The following MUC22 variants were observed in gnomAD, a reference collection of about 807,000 sequenced individuals.
MUC22 encodes mucin-22.
In MUC22, 24 loss-of-function variants were observed where a neutral mutation model predicts 40.3. The observed-to-expected ratio is 0.60, with a 90% CI of 0.43 to 0.84. The LOEUF (loss-of-function observed/expected upper bound fraction) is 0.84. Among genes scored for constraint, MUC22 ranks in the 40% least tolerant of loss-of-function variants. The pLI is 0.00. For missense variants in MUC22, 1,926 were observed against 2,130.7 expected, an observed-to-expected ratio of 0.90 and a Z score of 1.89; for synonymous variants, 765 against 844.5, an observed-to-expected ratio of 0.91 and a Z score of 1.63.
intron 1 of MUC22, among the ~76,000 whole-genome samples, chr6:31,012,918 T>A (rs1763951412): frequency 6.6e-6 from 1 of 151,960 alleles, no homozygotes; most frequent in African/African-American, 2.4e-5. Context: ...ACAAGTATCA[T>A]CCAAGGAGAC....
intron 1 of MUC22, among the ~76,000 whole-genome samples, chr6:31,012,344 C>T (rs1484729920): frequency 1.3e-5 from 2 of 152,208 alleles, no homozygotes; most frequent in Non-Finnish European, 2.9e-5. Context: ...TTCTCTTTCC[C>T]CTTGCCTTCA....
chr6:31,031,934 G>T (rs369248718), intron 2 of MUC22, among the ~76,000 whole-genome samples: 1 of 152,086 alleles, frequency 6.6e-6, no homozygotes, highest in African/African-American at 2.4e-5. Flanking sequence ...TCGCGATAAC[G>T]TTTCCTCAAA....
chr6:31,035,001 G>GT (rs2150819109), exon 4 of MUC22: 1 of 1,479,582 alleles, frequency 6.8e-7, no homozygotes, highest in Admixed American at 2.2e-5. Context: ...CAAGATGGCT[G>GT]TGGCCATAGA....
At chr6:31,021,373 T>A (rs929166956) in intron 1 of MUC22, among the ~76,000 whole-genome samples, 1 of 151,798 alleles carries the variant, frequency 6.6e-6, no homozygotes, top group Non-Finnish European at 1.5e-5. Context: ...ATCGGCACTC[T>A]GTATCTAGCT....
At chr6:31,022,132 A>G (rs1048163271) in intron 1 of MUC22, among the ~76,000 whole-genome samples, 1 of 152,126 alleles carries the variant, frequency 6.6e-6, no homozygotes, top group South Asian at 2.1e-4. Flanking sequence ...ACACATCTGA[A>G]CATCAGAAGG....
exon 2 of MUC22, chr6:31,028,529 A>G: frequency 6.5e-7 from 1 of 1,533,128 alleles, no homozygotes; most frequent in South Asian, 1.2e-5. Context: ...ATGGGCTCTG[A>G]GACCACTATG....
intron 2 of MUC22, among the ~76,000 whole-genome samples, chr6:31,030,417 T>A (rs28360988): frequency 0.06 from 9,082 of 151,068 alleles, 328 homozygotes; most frequent in Non-Finnish European, 0.079. Flanking sequence ...CTCGGAAGGC[T>A]GAGGCAGGAG....
chr6:31,013,283 C>T (rs544224505), intron 1 of MUC22, among the ~76,000 whole-genome samples: 12 of 152,034 alleles, frequency 7.9e-5, no homozygotes, highest in African/African-American at 1.2e-4. Flanking sequence ...CACACCGCCA[C>T]GCCCAGCTAA....
At chr6:31,024,318 T>G (rs1176362201) in intron 1 of MUC22, among the ~76,000 whole-genome samples, 2 of 152,206 alleles carry the variant, frequency 1.3e-5, no homozygotes, top group Non-Finnish European at 1.5e-5. Context: ...CAGCAATATA[T>G]TCATGTGAAT....
chr6:31,013,429 T>C (rs1176737855), intron 1 of MUC22, among the ~76,000 whole-genome samples: 1 of 152,022 alleles, frequency 6.6e-6, no homozygotes, highest in Non-Finnish European at 1.5e-5. Flanking sequence ...GCCTGGCCCC[T>C]CACCCCCATT....
At chr6:31,027,697 A>G in exon 2 of MUC22, 2 of 1,532,848 alleles carry the variant, frequency 1.3e-6, no homozygotes, top group Non-Finnish European at 1.7e-6. Context: ...CTCTGACACC[A>G]CCACAGCCTC....
In MUC22 at chr6:31,026,270, TC is replaced by T; in HGVS notation, c.841del (p.Leu281Ter). 7.8e-7 allele frequency: 1 copy of T among 1,277,292 alleles called. No homozygotes were observed. The allele number at this position is 1,277,292 out of a possible 1,614,324, so 79.1% of individuals were successfully genotyped here. ...ACCACAGGCTCTGAGACCACTACAA[TC>T]CTGATTAAAGCCTCTGAGACCACCA... On this transcript the variant is annotated frameshift_variant, in exon 2 of 4. Transcript: ENST00000561890. LOFTEE classifies it high-confidence loss of function.
upstream of MUC22, among the ~76,000 whole-genome samples, chr6:31,006,744 G>T (rs1438081027): frequency 6.6e-6 from 1 of 152,186 alleles, no homozygotes; most frequent in African/African-American, 2.4e-5. Context: ...TATGGAGAGA[G>T]ACCAGTAGAA....
chr6:31,028,901 C>A, exon 2 of MUC22: 1 of 1,529,292 alleles, frequency 6.5e-7, no homozygotes, highest in African/African-American at 1.4e-5. Flanking sequence ...GAGACCACCA[C>A]AGCCTCTACT....
chr6:31,027,668 CCA>C lies in MUC22; in HGVS notation c.2240_2241del (p.Thr747SerfsTer7). On this transcript the variant is annotated frameshift_variant, in exon 2 of 4. Coordinates refer to ENST00000561890, the Ensembl canonical transcript of MUC22. LOFTEE classifies it high-confidence loss of function. ...GCCTCTAATACAGGCTTGGAGACCA[CCA>C]CAGTCTTTACCATAGGCTCTGACAC... 6.5e-7 allele frequency: 1 copy of C among 1,531,426 alleles called. No homozygotes were observed. Among genetic ancestry groups the C allele is most frequent in the African/African-American group, 1.4e-5 (1 of 72,840 alleles). The allele number at this position is 1,531,426 out of a possible 1,614,324, so 94.9% of individuals were successfully genotyped here.
At chr6:31,026,995 G>T (rs1562606085) in exon 2 of MUC22, 1 of 1,493,664 alleles carries the variant, frequency 6.7e-7, no homozygotes, top group Non-Finnish European at 8.9e-7. Context: ...ATTTACTGAA[G>T]ATTCTAAGAC....
chr6:31,030,022 A>G, exon 2 of MUC22: 1 of 1,535,710 alleles, frequency 6.5e-7, no homozygotes, highest in South Asian at 1.2e-5. Context: ...AGCCTCCACC[A>G]CTGTCTCTTC....
intron 2 of MUC22, among the ~76,000 whole-genome samples, chr6:31,030,460 T>A (rs1250259018): frequency 6.8e-6 from 1 of 146,396 alleles, no homozygotes; most frequent in East Asian, 2.0e-4. Flanking sequence ...GAGCTTGCAG[T>A]GAGCAGAGAT....
In MUC22 at chr6:31,020,009, A is replaced by T. The variant is rs7758976; in HGVS notation, c.71-5493A>T. Among the ~76,000 whole-genome samples the T allele has an allele frequency of 2.6e-5, 4 of 151,666 alleles. No homozygotes were observed. The East Asian group carries it at 7.8e-4, about 30-fold the overall frequency. On this transcript the variant is annotated intron_variant, in intron 1 of 3. Coordinates refer to ENST00000561890, the Ensembl canonical transcript of MUC22. ...AGACAATGTTTTGTCTGCAATATGT[A>T]TTATTGAAGTTCCAGAAAAAAAGGG...
Sources: allele counts gnomAD v4.1 joint callset (sites outside exome capture counted in the v4.1 genomes callset), GRCh38; gene constraint gnomAD v4.1.1; transcripts MANE v1.5; gene names NCBI Gene and HGNC (gene_info 2026-07-23, HGNC 2026-07-21).